The following QRICH2 variants were observed in gnomAD, a reference collection of about 807,000 sequenced individuals.
The protein encoded by QRICH2 is glutamine-rich protein 2.
Under a neutral mutation model 168.3 loss-of-function variants are expected in QRICH2, and 119 were observed. That is an observed-to-expected ratio of 0.71 (90% CI 0.61 to 0.82). The LOEUF is 0.82. Ranked by LOEUF, QRICH2 falls within the 40% of genes least tolerant of loss-of-function variation. QRICH2 has a pLI of 0.00. For synonymous variants in QRICH2, 894 were observed against 951.2 expected (o/e 0.94, Z 1.11); for missense variants, 2,241 against 2,491.6 (o/e 0.90, Z 2.14).
At chr17:76,308,346 C>T, upstream of QRICH2, 1 of 985,352 alleles carries the variant, frequency 1.0e-6, no homozygotes, top group African/African-American at 1.7e-5. Context: ...GCCACGGGGG[C>T]GGGGGGAAGT....
chr17:76,298,303 C>G (rs568112855), intron 3 of QRICH2, among the ~76,000 whole-genome samples: 3 of 150,160 alleles, frequency 2.0e-5, no homozygotes, highest in South Asian at 4.2e-4. Context: ...CTCAGCCTCC[C>G]GAGTAGCTGG....
Position 76,282,129 on chromosome 17 carries a change from A to G in QRICH2, c.4012-14T>C. The G allele has an allele frequency of 6.3e-7, 1 of 1,589,344 alleles. No homozygotes were observed. Among genetic ancestry groups the G allele is most frequent in the Non-Finnish European group, 8.6e-7 (1 of 1,161,994 alleles). On this transcript the variant is annotated splice_polypyrimidine_tract_variant and intron_variant, in intron 7 of 18. Transcript: ENST00000680821. The stretch of plus-strand genomic sequence containing the variant: ...GAGCTTGTCCAACTGCGTGCAGGAG[A>G]GACGGCAGCAGCAGGGCAGTGAGGC...
In QRICH2 at chr17:76,308,167, C is replaced by T. The variant is rs551736928; in HGVS notation, c.-169G>A. ...AGCTCCTGCCTCCAGGGAATCTGCG[C>T]CTCCGCTCCCCGGCGGGGTCCGCGA... On this transcript the variant is annotated 5_prime_UTR_variant, in exon 1 of 19. Transcript: ENST00000680821. The T allele has an allele frequency of 4.1e-5, 40 of 985,414 alleles. No individual in the cohort carries two copies. In the South Asian group the frequency reaches 1.8e-3, roughly 44 times the overall value. 61.0% of individuals were successfully genotyped at this position (985,414 alleles called of 1,614,324 possible).
intron 5 of QRICH2, among the ~76,000 whole-genome samples, chr17:76,289,528 C>A (rs2070950042): frequency 6.6e-6 from 1 of 151,966 alleles, no homozygotes; most frequent in South Asian, 2.1e-4. Flanking sequence ...CACGATGATA[C>A]CCAAGGTGCA....
intron 3 of QRICH2, among the ~76,000 whole-genome samples, chr17:76,297,305 G>A (rs1204840019): frequency 1.3e-5 from 2 of 152,076 alleles, no homozygotes; most frequent in Admixed American, 6.5e-5. Flanking sequence ...GCAGGAGTTC[G>A]GAACCAGCCT....
chr17:76,310,233 G>C (rs539629354), upstream of QRICH2: 1 of 148,460 alleles, frequency 6.7e-6, no homozygotes, highest in African/African-American at 2.6e-5. Context: ...CTGACCTCAA[G>C]TGATCTGCCC....
chr17:76,307,529 G>A lies in QRICH2; in HGVS notation c.470C>T (p.Ala157Val), dbSNP rs565140383. The stretch of plus-strand genomic sequence containing the variant: ...ACTCCCAGTCCGCACCCTATCGAAC[G>A]CCCGCACGCCCACCTCCTGCTCCTC... ...WPEEQEVGVR[A>V]FDRVRTGSIM... The change falls in exon 1 of 19, where the codon GCG becomes GTG. Residue 157 changes from alanine (A) to valine (V), a missense_variant. Coordinates refer to ENST00000680821, the MANE Select transcript of QRICH2 (RefSeq NM_001388453.1). The surrounding 1 kb of genome is among the most constrained non-coding windows in gnomAD (Gnocchi z 5.3). The A allele has an allele frequency of 3.7e-6, 6 of 1,605,076 alleles. No individual in the cohort carries two copies. The African/African-American group carries it at 5.4e-5, about 14-fold the overall frequency.
rs374151578 is a variant in QRICH2, at chr17:76,279,098, T to G, written c.4859A>C (p.His1620Pro). 2 of 1,613,712 alleles carry G rather than the reference T, an allele frequency of 1.2e-6. No individual in the cohort carries two copies. The highest frequency in any genetic ancestry group is 1.6e-4 in the Middle Eastern group (1 of 6,082). ...TPAGPGLPGH[H>P]SIRPYTVFEL... is the part of the protein sequence containing the mutation. ...AAACACCGTGTAGGGGCGGATGGAA[T>G]GGTGCCCAGGTAGGCCTGGACCCGC... Residue 1620 changes from histidine (H) to proline (P), a missense_variant, in exon 14 of 19, where the codon CAT (histidine) becomes CCT (proline). By Grantham distance (77) the His-to-Pro change is moderately conservative. Transcript: ENST00000680821.
Position 76,287,786 on chromosome 17 carries a change from C to G in QRICH2, c.3896+14G>C, listed in dbSNP as rs141605280. 304 of 1,602,698 alleles carry G rather than the reference C, an allele frequency of 1.9e-4. 3 individuals carry two copies. In the African/African-American group the frequency reaches 3.8e-3, roughly 20 times the overall value. On this transcript the variant is annotated intron_variant, in intron 6 of 18. Transcript: ENST00000680821. ...ATGCCAGGGGACCAGCTGCTCTTAG[C>G]TGGGGCATTTTACCTGAGGACACCC...
In QRICH2 at chr17:76,279,067, C is replaced by T. The variant is rs777606932; in HGVS notation, c.4890G>A (p.Leu1630=). The T allele has an allele frequency of 6.2e-7, 1 of 1,614,008 alleles. No individual in the cohort carries two copies. The highest frequency in any genetic ancestry group is 1.1e-5 in the South Asian group (1 of 91,070). The change falls in exon 14 of 19, where the codon CTG becomes CTA. Residue 1630 remains leucine (L), a synonymous_variant. Transcript: ENST00000680821. ...TGCGGCTATGCTGCCGGACCTGCTC[C>T]AGTTCAAACACCGTGTAGGGGCGGA... ...HSIRPYTVFE[L]EQVRQHSRNL...
chr17:76,280,026 G>A lies in QRICH2; in HGVS notation c.4748+7C>T. ...GCCAGCCTCCTCCCCTGCCTCCCAG[G>A]CCTCACCTCCGCATGGCAGCCGCCT... is the stretch of plus-strand genomic sequence containing the variant. On this transcript the variant is annotated splice_region_variant and intron_variant, in intron 12 of 18. Transcript: ENST00000680821. The surrounding 1 kb of genome is among the most constrained non-coding windows in gnomAD (Gnocchi z 7.4). 1 of 1,604,284 alleles carries A rather than the reference G, an allele frequency of 6.2e-7. No homozygotes were observed. Among genetic ancestry groups the A allele is most frequent in the African/African-American group, 1.3e-5 (1 of 74,814 alleles).
At chr17:76,283,970 G>A (rs1316775277) in intron 7 of QRICH2, among the ~76,000 whole-genome samples, 1 of 140,884 alleles carries the variant, frequency 7.1e-6, no homozygotes, top group South Asian at 2.1e-4. Flanking sequence ...GTTCAAGACC[G>A]GCCTGACCAA....
rs111980390 is a variant in QRICH2 at position 76,281,042 on chromosome 17, G to A, written c.4264-89C>T. Reference sequence around the variant, plus strand: ...TAATATTGCTGCCCCAGGTAAGTTGGCCCTTAAAACATCTGCAAGGCTGGG... The same window carrying A: ...TAATATTGCTGCCCCAGGTAAGTTGACCCTTAAAACATCTGCAAGGCTGGG... On this transcript the variant is annotated intron_variant, in intron 8 of 18. Transcript: ENST00000680821. This position sits in a 1 kb window ranked among gnomAD's most constrained non-coding sequence, Gnocchi z 4.4. 1 of 1,520,994 alleles carries A rather than the reference G, an allele frequency of 6.6e-7. No individual in the cohort carries two copies. The highest frequency in any genetic ancestry group is 1.4e-5 in the African/African-American group (1 of 72,982). The allele number at this position is 1,520,994 out of a possible 1,614,324, so 94.2% of individuals were successfully genotyped here. A position where few individuals can be genotyped will look rare whatever the true frequency, so the allele number is the denominator to read the frequency against.
rs760784225 is a variant in QRICH2, at chr17:76,291,317, G to A, written c.3410C>T (p.Ser1137Leu). The A allele has an allele frequency of 2.6e-5, 42 of 1,614,022 alleles. 1 individual carries two copies. Among genetic ancestry groups the A allele is most frequent in the Admixed American group, 8.3e-5 (5 of 60,000 alleles). Residue 1137 changes from serine (S) to leucine (L), a missense_variant, in exon 4 of 19, where the codon TCG becomes TTG. Physicochemically the swap from Ser to Leu is moderately radical, Grantham distance 145. This residue lies in a region of QRICH2 where 2,047 missense variants were observed against 2,303.8 expected (regional missense o/e 0.89). Coordinates refer to ENST00000680821, the MANE Select transcript of QRICH2 (RefSeq NM_001388453.1). ...CTGGGCAGGAATTCCATGTCGGTCC[G>A]AGGCTCGTGTTCTATTTGGATCCAA... ...EGLDPNRTRA[S>L]DRHGIPAQKA...
In QRICH2 at chr17:76,277,062, G is replaced by A. The variant is rs565329280; in HGVS notation, c.5265+101C>T. 37 of 1,285,260 alleles carry A rather than the reference G, an allele frequency of 2.9e-5. 1 individual carries two copies. Among genetic ancestry groups the A allele is most frequent in the Middle Eastern group, 5.5e-4 (2 of 3,638 alleles). The allele number at this position is 1,285,260 out of a possible 1,614,324, so 79.6% of individuals were successfully genotyped here. ...GGTCTGATTAAGGAATTGCCTCAAG[G>A]CAGAGGGCTGGCTGATTTTCTGGTG... On this transcript the variant is annotated intron_variant, in intron 16 of 18. Coordinates refer to ENST00000680821, the MANE Select transcript of QRICH2 (RefSeq NM_001388453.1).
chr17:76,285,731 C>T (rs1448397573), intron 7 of QRICH2, among the ~76,000 whole-genome samples: 2 of 151,854 alleles, frequency 1.3e-5, no homozygotes, highest in Non-Finnish European at 2.9e-5. Flanking sequence ...CACCTGTAAT[C>T]CCAGCTACTT....
rs967473235 is a variant in QRICH2 at position 76,280,586 on chromosome 17, A to C, written c.4461+68T>G. 141 of 1,600,488 alleles carry C rather than the reference A, an allele frequency of 8.8e-5. No homozygotes were observed. The highest frequency in any genetic ancestry group is 1.2e-4 in the Non-Finnish European group (137 of 1,168,276). ...TCGTCTCGCCAGCTCCCCTCCACTC[A>C]GTCTCTCAAAGAACAGTCAGCGAGA... On this transcript the variant is annotated intron_variant, in intron 10 of 18. Transcript: ENST00000680821. The surrounding 1 kb of genome is among the most constrained non-coding windows in gnomAD (Gnocchi z 7.4).
At chr17:76,304,182 C>A (rs2070951844) in intron 3 of QRICH2, among the ~76,000 whole-genome samples, 1 of 152,164 alleles carries the variant, frequency 6.6e-6, no homozygotes, top group East Asian at 1.9e-4. Context: ...CCATGGAAGG[C>A]AATTTATCAA....
At chr17:76,274,334 GC>G in intron 18 of QRICH2, 74 bp from the exon 19 acceptor site, 1 of 1,457,916 alleles carries the variant, frequency 6.9e-7, no homozygotes, top group Non-Finnish European at 9.3e-7. Context: ...CCTGCCCAAT[GC>G]CCAGGGAGGT....
Sources: gnomAD v4.1 joint callset for allele counts (sites outside exome capture counted in the v4.1 genomes callset) on GRCh38, gnomAD v4.1.1 for gene constraint, gnomAD v4.1.1 regional missense constraint, Gnocchi (gnomAD v3.1) non-coding constraint, MANE v1.5 for transcripts, NCBI Gene and HGNC (gene_info 2026-07-23, HGNC 2026-07-21) for gene names.